Variants in PDPR observed in about 807,000 individuals in gnomAD.
PDPR encodes the protein pyruvate dehydrogenase phosphatase regulatory subunit, mitochondrial.
A neutral mutation model predicts 102.2 loss-of-function variants in PDPR; 50 were observed. The ratio of observed to expected loss-of-function variants is 0.49; its 90% CI spans 0.39 to 0.62. PDPR has a LOEUF of 0.62. Among genes scored for constraint, PDPR ranks in the 20% least tolerant of loss-of-function variants. The probability of loss-of-function intolerance (pLI) is 0.00; values close to 1 mark genes in which losing one functional copy is unlikely to be tolerated. For synonymous variants in PDPR, 259 were observed against 406.0 expected, an observed-to-expected ratio of 0.64 and a Z score of 4.35; for missense variants, 625 against 1,098.2, an observed-to-expected ratio of 0.57 and a Z score of 6.09.
chr16:70,149,838 T>A (rs1597373873), intron 17 of PDPR, among the ~76,000 whole-genome samples: 1 of 152,268 alleles, frequency 6.6e-6, no homozygotes, highest in Non-Finnish European at 1.5e-5. Context: ...TCGCCCAGGC[T>A]GGAGTGCAGT....
At chr16:70,135,977 G>T (rs1397542924) in intron 9 of PDPR, among the ~76,000 whole-genome samples, 1 of 152,068 alleles carries the variant, frequency 6.6e-6, no homozygotes, top group East Asian at 1.9e-4. Context: ...GCTGAGGTGA[G>T]AGAGTAGCTT....
chr16:70,122,854 T>TACAC (rs71151173), intron 3 of PDPR, among the ~76,000 whole-genome samples: 5 of 145,614 alleles, frequency 3.4e-5, no homozygotes, highest in Admixed American at 6.9e-5. Context: ...TATACACACA[T>TACAC]ACACACACAC....
In PDPR at chr16:70,148,160, C is replaced by A. The variant is rs1196521785; in HGVS notation, c.1963-304C>A. On this transcript the variant is annotated intron_variant, in intron 16 of 18. Transcript: ENST00000288050. Reference sequence around the variant, plus strand: ...TTGTGCCTGCTACCCTCGACTAACACAAGGACCTGGCAAAGAGGAATATTT... The same window carrying A: ...TTGTGCCTGCTACCCTCGACTAACAAAAGGACCTGGCAAAGAGGAATATTT... Among the ~76,000 whole-genome samples, 22 of 152,356 alleles carry A rather than the reference C, an allele frequency of 1.4e-4. No individual in the cohort carries two copies. The South Asian group carries it at 1.4e-3, about 10-fold the overall frequency.
At chr16:70,137,674 A>G (rs1367857757) in intron 10 of PDPR, among the ~76,000 whole-genome samples, 1 of 152,284 alleles carries the variant, frequency 6.6e-6, no homozygotes, top group South Asian at 2.1e-4. Flanking sequence ...TGAAAAGTTT[A>G]TTTTAAATTT....
At chr16:70,124,098 C>T (rs1472953567) in intron 3 of PDPR, among the ~76,000 whole-genome samples, 1 of 151,792 alleles carries the variant, frequency 6.6e-6, no homozygotes. Flanking sequence ...TGCAGTGGCT[C>T]ATGCCTGTTA....
intron 15 of PDPR, chr16:70,145,834 G>C: frequency 2.1e-6 from 1 of 482,138 alleles, no homozygotes; most frequent in Admixed American, 2.9e-5. Flanking sequence ...TCTCCACCGG[G>C]TACTGATTTG....
Position 70,153,431 on chromosome 16 carries a change from A to G in PDPR, c.2093A>G (p.Gln698Arg). 1 of 1,613,962 alleles carries G rather than the reference A, an allele frequency of 6.2e-7. No homozygotes were observed. Among genetic ancestry groups the G allele is most frequent in the Non-Finnish European group, 8.5e-7 (1 of 1,179,864 alleles). ...TACAATGAAGTGATGAGTGTTGGCCAGAAATACGGAATCCGGAATGCTGGG... is the reference window on the plus strand; with the variant it reads ...TACAATGAAGTGATGAGTGTTGGCCGGAAATACGGAATCCGGAATGCTGGG... ...HVYNEVMSVG[Q>R]KYGIRNAGYY... Residue 698 changes from glutamine to arginine, a missense_variant, in exon 18 of 19, where the codon CAG becomes CGG. Around this residue, in one of 11 missense-constraint regions of PDPR, gnomAD observed 303 missense variants for 258.9 expected, o/e 1.17. Coordinates refer to ENST00000288050, the MANE Select transcript of PDPR (RefSeq NM_017990.5).
In PDPR at chr16:70,156,494, G is replaced by A. The variant is rs750497787; in HGVS notation, c.2255G>A (p.Arg752His). 44 of 1,613,776 alleles carry A rather than the reference G, an allele frequency of 2.7e-5. No homozygotes were observed. The East Asian group carries it at 5.6e-4, about 20-fold the overall frequency. ...KLEKGMDFIG[R>H]DALLQQKQNG... is the part of the protein sequence containing the mutation. Reference sequence around the variant, plus strand: ...TCTTAGGGCATGGATTTCATTGGTCGCGACGCCCTCCTGCAGCAGAAGCAG... The same window carrying A: ...TCTTAGGGCATGGATTTCATTGGTCACGACGCCCTCCTGCAGCAGAAGCAG... The change falls in exon 19 of 19, where the codon CGC (arginine) becomes CAC (histidine). Residue 752 changes from arginine to histidine, a missense_variant. By Grantham distance (29) the Arg-to-His change is conservative (BLOSUM62 0). Coordinates refer to ENST00000288050, the MANE Select transcript of PDPR (RefSeq NM_017990.5).
intron 6 of PDPR, among the ~76,000 whole-genome samples, chr16:70,129,895 G>T (rs1964364678): frequency 6.6e-6 from 1 of 152,274 alleles, no homozygotes; most frequent in Non-Finnish European, 1.5e-5. Flanking sequence ...TTTAATTATT[G>T]TGTTCCAAAG....
At chr16:70,148,244 A>G (rs1245006873) in intron 16 of PDPR, among the ~76,000 whole-genome samples, 2 of 152,242 alleles carry the variant, frequency 1.3e-5, no homozygotes, top group African/African-American at 4.8e-5. Flanking sequence ...AACTCCTGAG[A>G]TGGTAACAGT....
Position 70,161,690 on chromosome 16 carries a change from T to G in PDPR, c.*4811T>G, listed in dbSNP as rs1967806909. The G allele has an allele frequency of 6.6e-6, 1 of 152,644 alleles. No homozygotes were observed. The highest frequency in any genetic ancestry group is 2.1e-4 in the South Asian group (1 of 4,844). The allele number at this position is 152,644 out of a possible 1,614,324, so 9.5% of individuals were successfully genotyped here. On this transcript the variant is annotated 3_prime_UTR_variant, in exon 19 of 19. Coordinates refer to ENST00000288050, the MANE Select transcript of PDPR (RefSeq NM_017990.5). Reference sequence around the variant, plus strand: ...GCCCTGATCACTACCAGTACACTTTTCAAGACAACTGAGTATTTTTGTATG... The same window carrying G: ...GCCCTGATCACTACCAGTACACTTTGCAAGACAACTGAGTATTTTTGTATG...
chr16:70,130,956 G>A (rs1964481221), intron 7 of PDPR, among the ~76,000 whole-genome samples: 1 of 152,296 alleles, frequency 6.6e-6, no homozygotes, highest in African/African-American at 2.4e-5. Flanking sequence ...TGATCCCGAA[G>A]TGAACTAAGA....
Position 70,160,259 on chromosome 16 carries a change from G to A in PDPR, c.*3380G>A, listed in dbSNP as rs912752654. The A allele has an allele frequency of 2.6e-5, 4 of 152,666 alleles. No individual in the cohort carries two copies. Among genetic ancestry groups the A allele is most frequent in the African/African-American group, 9.6e-5 (4 of 41,480 alleles). 9.5% of individuals were successfully genotyped at this position (152,666 alleles called of 1,614,324 possible). ...CCATCTAAGCTTGCATCAGGAAGAT[G>A]TTCCTTCTGTGATCATTGGTACTGA... On this transcript the variant is annotated 3_prime_UTR_variant, in exon 19 of 19. Transcript: ENST00000288050.
chr16:70,135,118 C>T (rs1964983936), intron 9 of PDPR, among the ~76,000 whole-genome samples: 1 of 152,260 alleles, frequency 6.6e-6, no homozygotes, highest in Non-Finnish European at 1.5e-5. Flanking sequence ...ACCCATTATC[C>T]AGCTCTGGTC....
Position 70,157,183 on chromosome 16 carries a change from GAGTGATGGTGAC to G in PDPR, c.*307_*318del, listed in dbSNP as rs1567567659. The G allele has an allele frequency of 1.6e-6, 1 of 610,810 alleles. No individual in the cohort carries two copies. Among genetic ancestry groups the G allele is most frequent in the East Asian group, 3.9e-5 (1 of 25,420 alleles). 37.8% of individuals were successfully genotyped at this position (610,810 alleles called of 1,614,324 possible). On this transcript the variant is annotated 3_prime_UTR_variant, in exon 19 of 19. Transcript: ENST00000288050. ...CAGAAGCAAGCTCCACTGTGGACATGAGTGATGGTGACAGCTGCTTTCAAATTCTGCATCTCA... is the reference window on the plus strand; with the variant it reads ...CAGAAGCAAGCTCCACTGTGGACATGAGCTGCTTTCAAATTCTGCATCTCA...
Position 70,148,490 on chromosome 16 carries a change from G to C in PDPR, c.1989G>C (p.Gly663=). ...AGATGAGTGTGGGCTATGCAAATGG[G>C]ATCCGGGTGATGAGCATGACGCACA... The part of the protein sequence containing the change: ...CKEMSVGYAN[G]IRVMSMTHTG... The change falls in exon 17 of 19, where the codon GGG becomes GGC. Residue 663 remains glycine, a synonymous_variant. Transcript: ENST00000288050. The C allele has an allele frequency of 6.2e-7, 1 of 1,613,520 alleles. No individual in the cohort carries two copies. Among genetic ancestry groups the C allele is most frequent in the Non-Finnish European group, 8.5e-7 (1 of 1,179,638 alleles).
intron 9 of PDPR, among the ~76,000 whole-genome samples, chr16:70,133,743 T>G (rs868865108): frequency 3.7e-4 from 56 of 151,782 alleles, no homozygotes; most frequent in African/African-American, 1.2e-3. Flanking sequence ...GTTTTTTTGT[T>G]TTTTTTTGAG....
intron 2 of PDPR, among the ~76,000 whole-genome samples, chr16:70,115,830 G>C (rs2152052809): frequency 6.6e-6 from 1 of 152,174 alleles, no homozygotes; most frequent in Non-Finnish European, 1.5e-5. Context: ...TTTTAAACCA[G>C]ATGATGTGCT....
chr16:70,119,742 G>A (rs577425976), intron 2 of PDPR, among the ~76,000 whole-genome samples: 7 of 149,090 alleles, frequency 4.7e-5, no homozygotes, highest in African/African-American at 1.8e-4. Flanking sequence ...TTTATTTACT[G>A]TTTTATTTGT....
Sources: gnomAD v4.1 joint callset for allele counts (sites outside exome capture counted in the v4.1 genomes callset) on GRCh38, gnomAD v4.1.1 for gene constraint, gnomAD v4.1.1 regional missense constraint, MANE v1.5 for transcripts, NCBI Gene and HGNC (gene_info 2026-07-23, HGNC 2026-07-21) for gene names.